Variants in TMEM135 observed in about 807,000 individuals in gnomAD.
TMEM135 encodes the protein transmembrane protein 135.
A neutral mutation model predicts 60.3 loss-of-function variants in TMEM135; 30 were observed. The ratio of observed to expected loss-of-function variants is 0.50; its 90% CI spans 0.37 to 0.68. The LOEUF (loss-of-function observed/expected upper bound fraction) is 0.68, where lower values mean the gene tolerates loss of function less well. Ranked by LOEUF, TMEM135 falls within the 30% of genes least tolerant of loss-of-function variation. The pLI, the probability that TMEM135 is intolerant of heterozygous loss-of-function variation, is 0.00. For missense variants in TMEM135, 468 were observed against 548.8 expected, an observed-to-expected ratio of 0.85 and a Z score of 1.47; for synonymous variants, 190 against 186.7, an observed-to-expected ratio of 1.02 and a Z score of -0.14.
rs1942933497 is a variant in TMEM135, at chr11:87,327,666, G to C, written c.*6333G>C. 1 of 454,012 alleles carries C rather than the reference G, an allele frequency of 2.2e-6. No individual in the cohort carries two copies. 28.1% of individuals were successfully genotyped at this position (454,012 alleles called of 1,614,324 possible). On this transcript the variant is annotated 3_prime_UTR_variant, in exon 15 of 15. Coordinates refer to ENST00000305494, the MANE Select transcript of TMEM135 (RefSeq NM_022918.4). ...ATAACCTGGAGACCTTGGGATGCTGGTGGTCTGGCTCAGTACAAGTCCAAA... is the reference window on the plus strand; with the variant it reads ...ATAACCTGGAGACCTTGGGATGCTGCTGGTCTGGCTCAGTACAAGTCCAAA...
intron 7 of TMEM135, among the ~76,000 whole-genome samples, chr11:87,297,113 A>G (rs185835006): frequency 3.9e-5 from 6 of 152,284 alleles, no homozygotes; most frequent in Non-Finnish European, 7.4e-5. Context: ...TGGAAAGACA[A>G]TAAAGACTAG....
intron 4 of TMEM135, among the ~76,000 whole-genome samples, chr11:87,107,606 T>G (rs1197950304): frequency 6.6e-6 from 1 of 152,214 alleles, no homozygotes; most frequent in African/African-American, 2.4e-5. Context: ...ATCTTTTTTA[T>G]GGCTGCATAG....
intron 4 of TMEM135, among the ~76,000 whole-genome samples, chr11:87,122,246 T>C (rs2220472): frequency 0.13 from 19,293 of 150,776 alleles, 1,319 homozygotes; most frequent in Middle Eastern, 0.15. Context: ...ATGACTGCTG[T>C]CATCTAAGTT....
intron 8 of TMEM135, among the ~76,000 whole-genome samples, chr11:87,303,681 C>G (rs1413121964): frequency 2.0e-5 from 3 of 152,134 alleles, no homozygotes; most frequent in Non-Finnish European, 4.4e-5. Context: ...AAGATTTTGT[C>G]TTCATCTTAA....
intron 4 of TMEM135, among the ~76,000 whole-genome samples, chr11:87,127,044 G>A (rs796102805): frequency 6.6e-6 from 1 of 152,088 alleles, no homozygotes; most frequent in South Asian, 2.1e-4. Flanking sequence ...CCCTAGCCTG[G>A]TAAAAAACAA....
At chr11:87,177,413 A>G (rs541503798) in intron 5 of TMEM135, among the ~76,000 whole-genome samples, 1 of 152,294 alleles carries the variant, frequency 6.6e-6, no homozygotes, top group African/African-American at 2.4e-5. Flanking sequence ...GAATGAAGAA[A>G]TACATGATTA....
chr11:87,294,454 GC>G (rs1942315903), intron 6 of TMEM135, among the ~76,000 whole-genome samples: 1 of 152,174 alleles, frequency 6.6e-6, no homozygotes, highest in Non-Finnish European at 1.5e-5. Context: ...CGCAATCTTG[GC>G]TCATTGCAAC....
At chr11:87,271,774 A>G (rs923175997) in intron 6 of TMEM135, among the ~76,000 whole-genome samples, 1 of 151,922 alleles carries the variant, frequency 6.6e-6, no homozygotes, top group African/African-American at 2.4e-5. Flanking sequence ...TCTCTATAAA[A>G]AATACAAAAA....
intron 1 of TMEM135, 149 bp downstream of exon 1, chr11:87,038,335 G>A: frequency 1.4e-6 from 1 of 695,426 alleles, no homozygotes; most frequent in Admixed American, 2.3e-5. Context: ...GTCGGTAGGG[G>A]GAAGGGGGAG....
In TMEM135 at chr11:87,037,959, G is replaced by T; in HGVS notation, c.-87G>T. On this transcript the variant is annotated 5_prime_UTR_variant, in exon 1 of 15. Transcript: ENST00000305494. ...ATTCCGCACCTCCGAGTGCTGGCCG[G>T]GCGAGAGGCTGGCGGCTGGGCTCTC... 1 of 1,593,724 alleles carries T rather than the reference G, an allele frequency of 6.3e-7. No individual in the cohort carries two copies.
chr11:87,051,021 C>T (rs1040244262), intron 1 of TMEM135, among the ~76,000 whole-genome samples: 2 of 95,094 alleles, frequency 2.1e-5, no homozygotes, highest in African/African-American at 1.1e-4. Context: ...ATACACAAAT[C>T]AATAAATGTA....
intron 4 of TMEM135, among the ~76,000 whole-genome samples, chr11:87,114,347 C>T (rs1218573317): frequency 6.6e-6 from 1 of 152,084 alleles, no homozygotes; most frequent in Non-Finnish European, 1.5e-5. Flanking sequence ...ATGTAGATAT[C>T]ATTTGGAAAC....
At chr11:87,209,305 C>T (rs1940308397) in intron 5 of TMEM135, among the ~76,000 whole-genome samples, 1 of 151,992 alleles carries the variant, frequency 6.6e-6, no homozygotes, top group African/African-American at 2.4e-5. Flanking sequence ...TTCAAGAGAC[C>T]CATATCACAA....
At chr11:87,112,384 C>A (rs949559667) in intron 4 of TMEM135, among the ~76,000 whole-genome samples, 6 of 103,248 alleles carry the variant, frequency 5.8e-5, no homozygotes, top group Admixed American at 4.1e-4. Context: ...CACTGTTTTA[C>A]TGTGTTCTGT....
At chr11:87,104,680 T>C (rs1857548923) in intron 4 of TMEM135, among the ~76,000 whole-genome samples, 1 of 152,212 alleles carries the variant, frequency 6.6e-6, no homozygotes, top group African/African-American at 2.4e-5. Flanking sequence ...TTGTTGTTGC[T>C]GTTGTAAATG....
chr11:87,305,974 A>C lies in TMEM135; in HGVS notation c.737A>C (p.Tyr246Ser), dbSNP rs1382325884. The C allele has an allele frequency of 6.2e-7, 1 of 1,603,320 alleles. No individual in the cohort carries two copies. The change falls in exon 9 of 15, where the codon TAT (tyrosine) becomes TCT (serine). Residue 246 changes from tyrosine (Y) to serine (S), a missense_variant. Coordinates refer to ENST00000305494, the MANE Select transcript of TMEM135 (RefSeq NM_022918.4). ...HGPRHRCCKH[Y>S]EDNCISYCIK... is the part of the protein sequence containing the mutation. Reference sequence around the variant, plus strand: ...CCAAGGCATAGATGTTGCAAACATTATGAAGATAATTGCATCTCTTATTGC... The same window carrying C: ...CCAAGGCATAGATGTTGCAAACATTCTGAAGATAATTGCATCTCTTATTGC...
intron 4 of TMEM135, among the ~76,000 whole-genome samples, chr11:87,131,420 C>T (rs1482794386): frequency 6.6e-6 from 1 of 152,086 alleles, no homozygotes; most frequent in Non-Finnish European, 1.5e-5. Flanking sequence ...GTGTATCCCT[C>T]ACTAGAGTGT....
chr11:87,045,229 AC>A (rs2135107630), intron 1 of TMEM135, among the ~76,000 whole-genome samples: 1 of 150,706 alleles, frequency 6.6e-6, no homozygotes, highest in East Asian at 2.0e-4. Flanking sequence ...ACGGGGTTTC[AC>A]TCTGTTAGCC....
intron 6 of TMEM135, among the ~76,000 whole-genome samples, chr11:87,287,188 CAAAT>C (rs1406397024): frequency 6.6e-6 from 1 of 152,132 alleles, no homozygotes; most frequent in African/African-American, 2.4e-5. Flanking sequence ...TCATGAAGTA[CAAAT>C]AGAGTAGCTC....
Sources: gnomAD v4.1 joint callset for allele counts (sites outside exome capture counted in the v4.1 genomes callset) on GRCh38, gnomAD v4.1.1 for gene constraint, MANE v1.5 for transcripts, NCBI Gene and HGNC (gene_info 2026-07-23, HGNC 2026-07-21) for gene names.